IQCM: variants seen among roughly 807,000 people sequenced by gnomAD.
IQCM encodes the protein IQ motif containing M, also known as IQ domain-containing protein M.
In IQCM, 45 loss-of-function variants were observed where a neutral mutation model predicts 57.6. The observed-to-expected ratio is 0.78, with a 90% confidence interval of 0.62 to 1.00. IQCM has a LOEUF of 1.00. Ranked by LOEUF, IQCM falls within the 50% of genes least tolerant of loss-of-function variation. The pLI, the probability that IQCM is intolerant of heterozygous loss-of-function variation, is 0.00. For synonymous variants in IQCM, 148 were observed against 158.9 expected (o/e 0.93, Z 0.51); for missense variants, 468 against 511.6 (o/e 0.91, Z 0.82).
In IQCM at chr4:149,639,207, G is replaced by A. The variant is rs190964812; in HGVS notation, c.566-17963C>T. Among the ~76,000 whole-genome samples the A allele has an allele frequency of 7.1e-4, 108 of 151,272 alleles. 1 individual carries two copies. The highest frequency in any genetic ancestry group is 3.5e-3 in the Middle Eastern group (1 of 288). On this transcript the variant is annotated intron_variant, in intron 7 of 13. Coordinates refer to ENST00000636793, the MANE Select transcript of IQCM (RefSeq NM_001363507.2). ...TTTGGGAGGCCAAGACAGGAGGATC[G>A]CTTGAGCCCACTGGTTTGTGACCAG...
At chr4:149,752,995 G>A (rs1370438562) in intron 2 of IQCM, among the ~76,000 whole-genome samples, 2 of 152,266 alleles carry the variant, frequency 1.3e-5, no homozygotes, top group Middle Eastern at 3.4e-3. Context: ...GAGCCCCAAG[G>A]AACCAATATA....
chr4:149,717,547 A>C (rs1765103615), intron 5 of IQCM, among the ~76,000 whole-genome samples: 1 of 152,236 alleles, frequency 6.6e-6, no homozygotes, highest in Non-Finnish European at 1.5e-5. Context: ...CAATTTCAGC[A>C]CACTATTATC....
intron 7 of IQCM, among the ~76,000 whole-genome samples, chr4:149,651,348 G>A (rs1371222525): frequency 6.6e-6 from 1 of 152,138 alleles, no homozygotes; most frequent in African/African-American, 2.4e-5. Flanking sequence ...TTTAGGACTC[G>A]ACCTCCAGTT....
intron 9 of IQCM, among the ~76,000 whole-genome samples, chr4:149,584,864 G>C (rs941725723): frequency 1.3e-5 from 2 of 151,740 alleles, no homozygotes; most frequent in Non-Finnish European, 2.9e-5. Context: ...ATAAGGCAAA[G>C]GCAACCAAGA....
chr4:149,596,908 A>G (rs1029058535), intron 8 of IQCM, among the ~76,000 whole-genome samples: 2 of 152,138 alleles, frequency 1.3e-5, no homozygotes, highest in African/African-American at 2.4e-5. Context: ...ACAATAAAAT[A>G]CCAAGAAAAA....
At chr4:149,465,031 C>A (rs1333360262) in intron 12 of IQCM, among the ~76,000 whole-genome samples, 1 of 152,094 alleles carries the variant, frequency 6.6e-6, no homozygotes, top group Admixed American at 6.6e-5. Context: ...CTTCTGCCTT[C>A]ATTTTATTTT....
intron 7 of IQCM, among the ~76,000 whole-genome samples, chr4:149,676,037 T>TA (rs1761723634): frequency 6.6e-6 from 1 of 152,086 alleles, no homozygotes; most frequent in Non-Finnish European, 1.5e-5. Flanking sequence ...AGTGTTTCTC[T>TA]TAACAAAAGA....
At chr4:149,733,118 C>A in intron 5 of IQCM, 126 bp downstream of exon 5, 1 of 868,144 alleles carries the variant, frequency 1.2e-6, no homozygotes, top group East Asian at 3.3e-5. Flanking sequence ...GGCCTCCCTA[C>A]CTTTCATTGT....
chr4:149,502,965 G>C (rs1484105050), intron 12 of IQCM, among the ~76,000 whole-genome samples: 1 of 151,940 alleles, frequency 6.6e-6, no homozygotes, highest in Non-Finnish European at 1.5e-5. Context: ...GGTGGCTCAT[G>C]CCTCTAATCC....
At chr4:149,615,135 T>G (rs1579709764) in intron 8 of IQCM, among the ~76,000 whole-genome samples, 1 of 90,012 alleles carries the variant, frequency 1.1e-5, no homozygotes, top group Non-Finnish European at 3.0e-5. Context: ...TTAGATGTTG[T>G]TTTTTTTTCA....
chr4:149,696,173 T>C (rs1249235104), intron 5 of IQCM, among the ~76,000 whole-genome samples: 1 of 152,160 alleles, frequency 6.6e-6, no homozygotes, highest in Non-Finnish European at 1.5e-5. Flanking sequence ...CAGTGGTTGC[T>C]CTGTGGAAAC....
At chr4:149,494,452 G>T (rs996632555) in intron 12 of IQCM, among the ~76,000 whole-genome samples, 1 of 151,954 alleles carries the variant, frequency 6.6e-6, no homozygotes, top group East Asian at 1.9e-4. Flanking sequence ...TACTTTTAAT[G>T]CCAAAAAATG....
chr4:149,746,852 C>T (rs1411060897), intron 2 of IQCM, among the ~76,000 whole-genome samples: 1 of 152,188 alleles, frequency 6.6e-6, no homozygotes, highest in Non-Finnish European at 1.5e-5. Flanking sequence ...TCCTGACCTT[C>T]TCTACTTCAC....
chr4:149,459,303 C>G (rs982015383), intron 12 of IQCM, among the ~76,000 whole-genome samples: 3 of 152,232 alleles, frequency 2.0e-5, no homozygotes, highest in African/African-American at 7.2e-5. Flanking sequence ...TCACTTCTGC[C>G]TTGCCAGTGC....
Position 149,788,088 on chromosome 4 carries a change from C to T in IQCM, c.-49+27223G>A, listed in dbSNP as rs564232670. 2.4e-4 allele frequency among the ~76,000 whole-genome samples: 36 copies of T among 152,314 alleles called. No individual in the cohort carries two copies. In the South Asian group the frequency reaches 6.8e-3, roughly 29 times the overall value. On this transcript the variant is annotated intron_variant, in intron 2 of 13. Coordinates refer to ENST00000636793, the MANE Select transcript of IQCM (RefSeq NM_001363507.2). Reference sequence around the variant, plus strand: ...GGGGCTCATGCCTGTAATTCCAACACTTTGGGAGGCCAAGGCGGGCAGATC... The same window carrying T: ...GGGGCTCATGCCTGTAATTCCAACATTTTGGGAGGCCAAGGCGGGCAGATC...
intron 2 of IQCM, among the ~76,000 whole-genome samples, chr4:149,749,913 T>G (rs1048874254): frequency 9.2e-5 from 14 of 152,128 alleles, no homozygotes; most frequent in African/African-American, 3.1e-4. Context: ...TGTTTAAATT[T>G]CTTTGTCTTC....
At chr4:149,481,696 G>GTTTTTTTTTTTTTTTTTTTTTT (rs1197852884) in intron 12 of IQCM, among the ~76,000 whole-genome samples, 14 of 33,614 alleles carry the variant, frequency 4.2e-4, no homozygotes, top group South Asian at 1.4e-3. Context: ...GATTCTTCCA[G>GTTTTTTTTTTTTTTTTTTTTTT]TTTTGTTTTT....
rs979419203 is a variant in IQCM at position 149,738,217 on chromosome 4, T to C, written c.38-2759A>G. Among the ~76,000 whole-genome samples the C allele has an allele frequency of 2.6e-5, 4 of 152,178 alleles. No individual in the cohort carries two copies. The East Asian group carries it at 7.7e-4, about 29-fold the overall frequency. On this transcript the variant is annotated intron_variant, in intron 3 of 13. Coordinates refer to ENST00000636793, the MANE Select transcript of IQCM (RefSeq NM_001363507.2). ...GCTCTTTTCTACAAATGTACTGCTT[T>C]TCCCAGTGCCATGTACACCTCATGA... is the stretch of plus-strand genomic sequence containing the variant.
At chr4:149,701,729 C>T (rs1247842836) in intron 5 of IQCM, among the ~76,000 whole-genome samples, 1 of 151,906 alleles carries the variant, frequency 6.6e-6, no homozygotes, top group Non-Finnish European at 1.5e-5. Context: ...AAAGATACTA[C>T]AAGAATAGAA....
Sources: gnomAD v4.1 joint callset for allele counts (sites outside exome capture counted in the v4.1 genomes callset) on GRCh38, gnomAD v4.1.1 for gene constraint, MANE v1.5 for transcripts, NCBI Gene and HGNC (gene_info 2026-07-23, HGNC 2026-07-21) for gene names.